FAAH2: variants seen among roughly 807,000 people sequenced by gnomAD.
The protein encoded by FAAH2 is fatty-acid amide hydrolase 2.
A neutral mutation model predicts 36.9 loss-of-function variants in FAAH2; 60 were observed. The ratio of observed to expected loss-of-function variants is 1.63; its 90% CI spans 1.32 to 2.02. FAAH2 has a LOEUF of 2.02. Ranked by LOEUF, FAAH2 falls within the 30% of genes most tolerant of loss-of-function variation. The probability of loss-of-function intolerance (pLI) is 0.00; values close to 1 mark genes in which losing one functional copy is unlikely to be tolerated. For synonymous variants in FAAH2, 214 were observed against 143.8 expected (o/e 1.49, Z -3.49); for missense variants, 689 against 397.5 (o/e 1.73, Z -6.23).
At chrX:57,379,003 G>A (rs968742781) in intron 6 of FAAH2, among the ~76,000 whole-genome samples, 2 of 111,685 alleles carry the variant, frequency 1.8e-5, no homozygotes, top group Admixed American at 9.5e-5. Context: ...ACAAAGAGAG[G>A]CCTTATTTTT....
At chrX:57,332,854 A>C (rs771415420) in intron 4 of FAAH2, among the ~76,000 whole-genome samples, 10 of 111,547 alleles carry the variant, frequency 9.0e-5, no homozygotes, top group Non-Finnish European at 1.5e-4. Flanking sequence ...CAGAGAAACT[A>C]TTTTTTCAGA....
intron 2 of FAAH2, among the ~76,000 whole-genome samples, chrX:57,296,017 C>A (rs915163612): frequency 8.9e-6 from 1 of 112,507 alleles, no homozygotes; most frequent in Admixed American, 9.4e-5. Context: ...GTGGGCTCCA[C>A]CTCTGGGGGC....
At chrX:57,267,509 G>T in the FAAH2 span, among the ~76,000 whole-genome samples, 1 of 112,624 alleles carries the variant, frequency 8.9e-6, no homozygotes, top group African/African-American at 3.2e-5. Flanking sequence ...AGTGCACACA[G>T]TCTCTAGCAG....
the FAAH2 span, among the ~76,000 whole-genome samples, chrX:57,235,135 G>T: frequency 1.5e-4 from 17 of 111,012 alleles, no homozygotes; most frequent in African/African-American, 5.6e-4. Context: ...CAGGAACAAG[G>T]TACTGAAATT....
chrX:57,129,232 T>TC, the FAAH2 span, among the ~76,000 whole-genome samples: 1 of 111,749 alleles, frequency 8.9e-6, no homozygotes, highest in Non-Finnish European at 1.9e-5. Context: ...AGGATTTTTT[T>TC]CTTTTTCCTA....
chrX:57,346,112 G>A (rs928861470), intron 5 of FAAH2, among the ~76,000 whole-genome samples: 4 of 110,730 alleles, frequency 3.6e-5, no homozygotes. Flanking sequence ...TTGTTGGGTG[G>A]ACTATTTTGC....
chrX:57,150,982 C>T, the FAAH2 span, among the ~76,000 whole-genome samples: 2 of 111,799 alleles, frequency 1.8e-5, no homozygotes, highest in Non-Finnish European at 3.8e-5. Context: ...TCAGCATTTG[C>T]TTGTCTGTAA....
chrX:57,271,156 A>G, the FAAH2 span, among the ~76,000 whole-genome samples: 2 of 112,475 alleles, frequency 1.8e-5, no homozygotes, highest in African/African-American at 6.5e-5. Flanking sequence ...AGGGAGGGGC[A>G]TCTGCCATTG....
At chrX:57,428,599 C>T (rs1258242322) in intron 7 of FAAH2, among the ~76,000 whole-genome samples, 1 of 111,760 alleles carries the variant, frequency 8.9e-6, no homozygotes, top group Non-Finnish European at 1.9e-5. Flanking sequence ...ATAACTACAG[C>T]CAACTGGTCT....
At chrX:57,358,824 T>C (rs1278656521) in intron 5 of FAAH2, among the ~76,000 whole-genome samples, 1 of 111,508 alleles carries the variant, frequency 9.0e-6, no homozygotes, top group African/African-American at 3.3e-5. Flanking sequence ...CTGAACCTTT[T>C]TGCATTCCCA....
At chrX:57,443,837 G>C (rs974193271) in intron 8 of FAAH2, among the ~76,000 whole-genome samples, 1 of 112,244 alleles carries the variant, frequency 8.9e-6, no homozygotes, top group Non-Finnish European at 1.9e-5. Flanking sequence ...CTAACAGTCA[G>C]GACCCTCAGT....
the FAAH2 span, among the ~76,000 whole-genome samples, chrX:57,208,916 C>T: frequency 1.8e-5 from 2 of 111,846 alleles, no homozygotes; most frequent in Non-Finnish European, 3.8e-5. Flanking sequence ...GTGTTCCTTG[C>T]CCTCATGCTG....
chrX:57,449,023 C>T (rs919292607), intron 10 of FAAH2, among the ~76,000 whole-genome samples: 5 of 111,625 alleles, frequency 4.5e-5, no homozygotes, highest in African/African-American at 6.5e-5. Context: ...GATCCAAAGT[C>T]TCCCCTGGCT....
intron 7 of FAAH2, chrX:57,381,741 C>T (rs1312522595): frequency 9.0e-6 from 1 of 111,207 alleles, no homozygotes; most frequent in Non-Finnish European, 1.9e-5. Context: ...CTTTAACACG[C>T]CACTGTCAAC....
At chrX:57,263,563 C>T in the FAAH2 span, among the ~76,000 whole-genome samples, 1 of 111,315 alleles carries the variant, frequency 9.0e-6, no homozygotes, top group African/African-American at 3.3e-5. Flanking sequence ...AAAACTTTTG[C>T]AAGATTTTTT....
At chrX:57,266,661 A>G in the FAAH2 span, among the ~76,000 whole-genome samples, 1 of 112,634 alleles carries the variant, frequency 8.9e-6, no homozygotes, top group Non-Finnish European at 1.9e-5. Flanking sequence ...CACATACCCC[A>G]CATTGCTCAT....
intron 4 of FAAH2, among the ~76,000 whole-genome samples, chrX:57,337,536 C>A (rs1420069071): frequency 8.9e-6 from 1 of 111,988 alleles, no homozygotes; most frequent in Non-Finnish European, 1.9e-5. Context: ...AATTTAGCAG[C>A]ACATCAAATA....
the FAAH2 span, among the ~76,000 whole-genome samples, chrX:57,246,333 C>A: frequency 3.6e-5 from 4 of 111,557 alleles, no homozygotes; most frequent in Non-Finnish European, 7.5e-5. Context: ...TGAAACTATT[C>A]CAAACAATAG....
the FAAH2 span, among the ~76,000 whole-genome samples, chrX:57,279,402 T>G: frequency 1.8e-5 from 2 of 111,833 alleles, no homozygotes; most frequent in African/African-American, 6.5e-5. Flanking sequence ...AGTTGAACAA[T>G]GAGAACACAT....
Sources: gnomAD v4.1 joint callset for allele counts (sites outside exome capture counted in the v4.1 genomes callset) on GRCh38, gnomAD v4.1.1 for gene constraint, MANE v1.5 for transcripts, NCBI Gene and HGNC (gene_info 2026-07-23, HGNC 2026-07-21) for gene names.